The following MSRA variants were observed in gnomAD, a reference collection of about 807,000 sequenced individuals.
MSRA encodes the protein mitochondrial peptide methionine sulfoxide reductase.
MSRA carries 54 observed loss-of-function variants against 31.3 expected under a neutral mutation model. The observed-to-expected ratio is 1.73, with a 90% CI of 1.39 to 2.17. The LOEUF is 2.17. Among genes scored for constraint, MSRA ranks in the 30% most tolerant of loss-of-function variants. The pLI, the probability that MSRA is intolerant of heterozygous loss-of-function variation, is 0.00. For synonymous variants in MSRA, 169 were observed against 116.5 expected (o/e 1.45, Z -2.90); for missense variants, 507 against 300.9 (o/e 1.69, Z -5.07).
intron 1 of MSRA, among the ~76,000 whole-genome samples, chr8:10,088,055 G>C (rs1307777231): frequency 6.6e-6 from 1 of 152,108 alleles, no homozygotes; most frequent in Non-Finnish European, 1.5e-5. Context: ...AAGCATCTGG[G>C]GGACTTTAGG....
intron 2 of MSRA, among the ~76,000 whole-genome samples, chr8:10,212,656 T>A (rs573126953): frequency 6.6e-6 from 1 of 152,338 alleles, no homozygotes; most frequent in South Asian, 2.1e-4. Context: ...GATTTTACAG[T>A]TGCAGTTTTA....
chr8:10,224,634 C>T (rs544401037), intron 2 of MSRA, among the ~76,000 whole-genome samples: 1 of 152,082 alleles, frequency 6.6e-6, no homozygotes, highest in African/African-American at 2.4e-5. Flanking sequence ...AGCTGAGAGT[C>T]CCTCTACTGA....
At position 10,099,059 on chromosome 8, in the gene MSRA, A is replaced by G. The variant is rs143537019; in HGVS notation, c.142+44401A>G. Among the ~76,000 whole-genome samples the G allele has an allele frequency of 2.9e-3, 445 of 152,260 alleles. 2 individuals are homozygous for G. Among genetic ancestry groups the G allele is most frequent in the Non-Finnish European group, 5.2e-3 (353 of 68,022 alleles). On this transcript the variant is annotated intron_variant, in intron 1 of 5. Coordinates refer to ENST00000317173, the MANE Select transcript of MSRA (RefSeq NM_012331.5). ...GGTGTGGTGTATTTTAAATGGACCT[A>G]TCAGTTCACTTTCTATATTCTAGTG...
At position 10,319,917 on chromosome 8, in the gene MSRA, C is replaced by T. The variant is rs138222845; in HGVS notation, c.471C>T (p.Tyr157=). ...AGGGGAACGACCATGGCACTCAGTACCGCTCGGCCATCTACCCGACCTCTG... is the reference window on the plus strand; with the variant it reads ...AGGGGAACGACCATGGCACTCAGTATCGCTCGGCCATCTACCCGACCTCTG... ...MRQGNDHGTQ[Y]RSAIYPTSAK... The change falls in exon 5 of 6, where the codon TAC becomes TAT. Residue 157 remains tyrosine, a synonymous_variant. Transcript: ENST00000317173. 4.9e-5 allele frequency: 79 copies of T among 1,597,970 alleles called. No homozygotes were observed. In the South Asian group the frequency reaches 7.6e-4, roughly 15 times the overall value.
intron 1 of MSRA, among the ~76,000 whole-genome samples, chr8:10,145,419 C>T (rs1001589057): frequency 2.0e-5 from 3 of 152,144 alleles, no homozygotes; most frequent in African/African-American, 7.2e-5. Context: ...GGCAGCATCT[C>T]GCTTGTTGAT....
At chr8:10,110,937 G>A (rs1426034419) in intron 1 of MSRA, among the ~76,000 whole-genome samples, 1 of 152,134 alleles carries the variant, frequency 6.6e-6, no homozygotes, top group Non-Finnish European at 1.5e-5. Flanking sequence ...ACCATCTCCA[G>A]TCTAGCAATT....
At chr8:10,393,366 G>A (rs747970513) in intron 5 of MSRA, among the ~76,000 whole-genome samples, 45 of 152,224 alleles carry the variant, frequency 3.0e-4, no homozygotes, top group Non-Finnish European at 5.3e-4. Flanking sequence ...AAGTTATTAC[G>A]GCAAATCCTG....
intron 5 of MSRA, among the ~76,000 whole-genome samples, chr8:10,404,480 G>A (rs1807673075): frequency 2.0e-5 from 3 of 152,236 alleles, no homozygotes. Flanking sequence ...GCTTCAAAGT[G>A]AACAGTTGGC....
intron 1 of MSRA, among the ~76,000 whole-genome samples, chr8:10,151,391 C>G (rs1803662729): frequency 6.6e-6 from 1 of 152,104 alleles, no homozygotes; most frequent in African/African-American, 2.4e-5. Context: ...CGCCTGTCAT[C>G]CCAGCATTTT....
intron 1 of MSRA, among the ~76,000 whole-genome samples, chr8:10,066,193 G>T (rs2661751): frequency 0.23 from 34,519 of 151,778 alleles, 4,149 homozygotes; most frequent in Admixed American, 0.31. Context: ...CCCCATGTTG[G>T]CCAGGCTGGT....
At chr8:10,274,424 GTCACCATTA>G (rs1480830383) in intron 3 of MSRA, among the ~76,000 whole-genome samples, 5 of 152,170 alleles carry the variant, frequency 3.3e-5, no homozygotes, top group Non-Finnish European at 7.4e-5. Context: ...CACTCCAAAT[GTCACCATTA>G]TCCTGACACT....
chr8:10,250,197 T>G (rs1797844443), intron 3 of MSRA, among the ~76,000 whole-genome samples: 1 of 152,186 alleles, frequency 6.6e-6, no homozygotes, highest in Non-Finnish European at 1.5e-5. Flanking sequence ...TACATTGATT[T>G]TAGAAGTAAT....
chr8:10,236,468 A>C (rs1811951135), intron 2 of MSRA, among the ~76,000 whole-genome samples: 1 of 152,210 alleles, frequency 6.6e-6, no homozygotes, highest in Non-Finnish European at 1.5e-5. Context: ...GTAATCAAAA[A>C]GTATAGTAGA....
At chr8:10,289,924 A>G (rs565670144) in intron 3 of MSRA, among the ~76,000 whole-genome samples, 149 of 152,332 alleles carry the variant, frequency 9.8e-4, no homozygotes, top group Non-Finnish European at 1.7e-3. Flanking sequence ...ATATGGAGTT[A>G]TAAGATTTGA....
At chr8:10,220,067 G>A (rs4075951) in intron 2 of MSRA, among the ~76,000 whole-genome samples, 34,439 of 151,844 alleles carry the variant, frequency 0.23, 4,337 homozygotes, top group Admixed American at 0.29. Context: ...AGTGTGAACA[G>A]TGATGCAAGA....
intron 5 of MSRA, among the ~76,000 whole-genome samples, chr8:10,344,349 G>T (rs992337269): frequency 2.0e-5 from 3 of 151,456 alleles, no homozygotes; most frequent in African/African-American, 7.3e-5. Context: ...ACCGAGGCAG[G>T]TGGATCACAA....
intron 4 of MSRA, among the ~76,000 whole-genome samples, chr8:10,303,962 G>C (rs924251690): frequency 6.6e-6 from 1 of 152,034 alleles, no homozygotes; most frequent in African/African-American, 2.4e-5. Context: ...TTGAGACTGA[G>C]TCTTAATCCT....
intron 1 of MSRA, among the ~76,000 whole-genome samples, chr8:10,183,727 C>T (rs909587248): frequency 3.3e-5 from 5 of 150,896 alleles, no homozygotes; most frequent in African/African-American, 1.2e-4. Flanking sequence ...GTGTTTTTCT[C>T]TGCGAGCTAA....
intron 1 of MSRA, among the ~76,000 whole-genome samples, chr8:10,167,152 G>C (rs1374407096): frequency 6.6e-6 from 1 of 152,086 alleles, no homozygotes; most frequent in Non-Finnish European, 1.5e-5. Flanking sequence ...CCCATGCCAG[G>C]AATTAAAATG....
Sources: allele counts gnomAD v4.1 joint callset (sites outside exome capture counted in the v4.1 genomes callset), GRCh38; gene constraint gnomAD v4.1.1; transcripts MANE v1.5; gene names NCBI Gene and HGNC (gene_info 2026-07-23, HGNC 2026-07-21).